Variants in COPE observed in about 807,000 individuals in gnomAD.
COPE encodes coatomer subunit epsilon.
In COPE, 19 loss-of-function variants were observed where a neutral mutation model predicts 42.1. The observed-to-expected ratio is 0.45, with a 90% CI of 0.31 to 0.66. COPE has a LOEUF of 0.66. COPE is among the 30% of genes least tolerant of loss of function. The pLI, the probability that COPE is intolerant of heterozygous loss-of-function variation, is 0.05. For missense variants in COPE, 402 were observed against 416.1 expected (o/e 0.97, Z 0.30); for synonymous variants, 195 against 181.3 (o/e 1.08, Z -0.60).
At chr19:18,916,168 G>A (rs1481371503) in intron 1 of COPE, among the ~76,000 whole-genome samples, 7 of 152,070 alleles carry the variant, frequency 4.6e-5, no homozygotes, top group Non-Finnish European at 7.4e-5. Flanking sequence ...CTGGGCAACA[G>A]AGCAAGACTC....
intron 3 of COPE, among the ~76,000 whole-genome samples, chr19:18,907,395 G>A (rs1034689860): frequency 9.9e-5 from 15 of 152,268 alleles, no homozygotes; most frequent in East Asian, 3.9e-4. Flanking sequence ...AACCTCACCC[G>A]CCTTCCTGAG....
At chr19:18,913,318 A>C (rs1333885066) in intron 1 of COPE, among the ~76,000 whole-genome samples, 2 of 152,210 alleles carry the variant, frequency 1.3e-5, no homozygotes, top group African/African-American at 2.4e-5. Context: ...ACACTTAAGA[A>C]GCCAGGGTGG....
At position 18,900,392 on chromosome 19, in the gene COPE, T is replaced by G; in HGVS notation, c.793A>C (p.Lys265Gln). The G allele has an allele frequency of 6.5e-7, 1 of 1,548,358 alleles. No individual in the cohort carries two copies. Among genetic ancestry groups the G allele is most frequent in the Non-Finnish European group, 8.7e-7 (1 of 1,145,462 alleles). Residue 265 changes from lysine (K) to glutamine (Q), a missense_variant, in exon 8 of 10, where the codon AAG becomes CAG. Lys to Gln is a moderately conservative substitution (Grantham distance 53, BLOSUM62 1). Coordinates refer to ENST00000262812, the MANE Select transcript of COPE (RefSeq NM_007263.4). The part of the protein sequence containing the change: ...NLIVLSQHLG[K>Q]PPEVTNRYLS... The stretch of plus-strand genomic sequence containing the variant: ...TGGGGGCCGCTTACCTCAGGGGGCT[T>G]GCCCAGGTGCTGGGACAGGACGATG...
intron 1 of COPE, among the ~76,000 whole-genome samples, chr19:18,916,275 C>A (rs1265696228): frequency 6.6e-6 from 1 of 151,632 alleles, no homozygotes; most frequent in African/African-American, 2.4e-5. Flanking sequence ...ATGGTGTGAA[C>A]CCAGGAGGCG....
chr19:18,911,787 T>C (rs1368274685), intron 2 of COPE, among the ~76,000 whole-genome samples: 6 of 151,532 alleles, frequency 4.0e-5, no homozygotes, highest in African/African-American at 1.5e-4. Flanking sequence ...CTCCTGACCT[T>C]GTGATCCACC....
At chr19:18,904,706 G>A in intron 6 of COPE, 65 bp downstream of exon 6, 3 of 1,407,200 alleles carry the variant, frequency 2.1e-6, no homozygotes, top group Non-Finnish European at 2.9e-6. Context: ...ACAGGTGGGG[G>A]TGCCCACAGA....
At chr19:18,915,257 A>G (rs1205176963) in intron 1 of COPE, among the ~76,000 whole-genome samples, 2 of 152,146 alleles carry the variant, frequency 1.3e-5, no homozygotes, top group East Asian at 1.9e-4. Context: ...TTGGGCTTTC[A>G]AAGTGAGGAC....
intron 7 of COPE, 21 bp from the exon 8 acceptor site, chr19:18,900,470 G>A (rs975089886): frequency 4.5e-6 from 7 of 1,540,308 alleles, no homozygotes; most frequent in Admixed American, 4.0e-5. Context: ...AGGCAGACAC[G>A]GGGAGGCAGG....
At chr19:18,907,614 G>A (rs936778132) in intron 3 of COPE, among the ~76,000 whole-genome samples, 3 of 152,186 alleles carry the variant, frequency 2.0e-5, no homozygotes, top group African/African-American at 7.2e-5. Flanking sequence ...CCAGTGTGCT[G>A]CGGGCCAGGG....
At chr19:18,911,166 GC>G in intron 2 of COPE, 95 bp from the exon 3 acceptor site, 1 of 1,063,424 alleles carries the variant, frequency 9.4e-7, no homozygotes, top group Non-Finnish European at 1.5e-6. Context: ...GGAAGTCCCT[GC>G]CCCACCAGGG....
chr19:18,900,453 G>A lies in COPE; in HGVS notation c.736-4C>T. The A allele has an allele frequency of 6.5e-7, 1 of 1,547,182 alleles. No individual in the cohort carries two copies. Among genetic ancestry groups the A allele is most frequent in the Non-Finnish European group, 8.7e-7 (1 of 1,144,654 alleles). ...GCGTCTCTGGGTAGCCACTATCCTG[G>A]AGACACAGGCAGACACGGGGAGGCA... On this transcript the variant is annotated splice_region_variant and splice_polypyrimidine_tract_variant and intron_variant, in intron 7 of 9. Transcript: ENST00000262812.
chr19:18,904,670 C>T, intron 6 of COPE, 101 bp downstream of exon 6: 1 of 1,022,090 alleles, frequency 9.8e-7, no homozygotes. Flanking sequence ...TCCTGGAGCC[C>T]CACTGGAGTG....
At chr19:18,914,755 CT>C (rs749395912) in intron 1 of COPE, among the ~76,000 whole-genome samples, 2,184 of 121,866 alleles carry the variant, frequency 0.018, 37 homozygotes, top group African/African-American at 0.049. Context: ...AAAGCATAGT[CT>C]TTTTTTTTTT....
At chr19:18,913,072 C>G (rs111654958) in intron 1 of COPE, 26 bp from the exon 2 acceptor site, 1 of 1,603,116 alleles carries the variant, frequency 6.2e-7, no homozygotes, top group East Asian at 2.2e-5. Context: ...TGAGTCAGGA[C>G]GCACAGTGGG....
intron 3 of COPE, among the ~76,000 whole-genome samples, chr19:18,907,985 G>A (rs1358723579): frequency 6.6e-6 from 1 of 152,222 alleles, no homozygotes; most frequent in Non-Finnish European, 1.5e-5. Context: ...TCCCCGTGCT[G>A]AGGGACCATG....
chr19:18,909,260 A>G (rs1168998366), intron 3 of COPE, among the ~76,000 whole-genome samples: 4 of 152,226 alleles, frequency 2.6e-5, no homozygotes, highest in Non-Finnish European at 5.9e-5. Flanking sequence ...ACCTGTCTCA[A>G]TGTCCTGGAG....
At chr19:18,908,347 A>G (rs2056779532) in intron 3 of COPE, among the ~76,000 whole-genome samples, 1 of 151,956 alleles carries the variant, frequency 6.6e-6, no homozygotes, top group Non-Finnish European at 1.5e-5. Context: ...GGATGGCTTC[A>G]GCCCGGGAGG....
chr19:18,913,065 G>A lies in COPE; in HGVS notation c.127-19C>T, dbSNP rs768265562. 3.7e-6 allele frequency: 6 copies of A among 1,607,190 alleles called. No individual in the cohort carries two copies. The highest frequency in any genetic ancestry group is 5.1e-6 in the Non-Finnish European group (6 of 1,178,310). Reference sequence around the variant, plus strand: ...TTGATAGCTGTGGGAACCAATGTGAGTCAGGACGCACAGTGGGAGGCCCAG... The same window carrying A: ...TTGATAGCTGTGGGAACCAATGTGAATCAGGACGCACAGTGGGAGGCCCAG... On this transcript the variant is annotated intron_variant, in intron 1 of 9. Transcript: ENST00000262812.
At chr19:18,902,793 G>GAAAGGAAGGAAAGGAAGGAAAGGAAGGA (rs146837423) in intron 7 of COPE, among the ~76,000 whole-genome samples, 1 of 33,418 alleles carries the variant, frequency 3.0e-5, no homozygotes. Flanking sequence ...AGGAAGGAAG[G>GAAAGGAAGGAAAGGAAGGAAAGGAAGGA]AAGGAAGGAA....
Sources: allele counts gnomAD v4.1 joint callset (sites outside exome capture counted in the v4.1 genomes callset), GRCh38; gene constraint gnomAD v4.1.1; transcripts MANE v1.5; gene names NCBI Gene and HGNC (gene_info 2026-07-23, HGNC 2026-07-21).